Variants in APOB observed in about 807,000 individuals in gnomAD.
APOB encodes apolipoprotein B, also known as apolipoprotein B-100.
Under a neutral mutation model 314.1 loss-of-function variants are expected in APOB, and 153 were observed. The observed-to-expected ratio is 0.49, with a 90% CI of 0.43 to 0.56. APOB has a LOEUF of 0.56. Ranked by LOEUF, APOB falls within the 20% of genes least tolerant of loss-of-function variation. The pLI, the probability that APOB is intolerant of heterozygous loss-of-function variation, is 0.00. For synonymous variants in APOB, 2,087 were observed against 2,036.4 expected (o/e 1.02, Z -0.67); for missense variants, 5,430 against 5,350.7 (o/e 1.01, Z -0.46).
Position 21,005,932 on chromosome 2 carries a change from T to G in APOB, c.10936A>C (p.Ser3646Arg). The change falls in exon 26 of 29, where the codon AGC becomes CGC. Residue 3646 changes from serine (S) to arginine (R), a missense_variant. Ser to Arg is a moderately radical substitution (Grantham distance 110). Around this residue, in one of 3 missense-constraint regions of APOB, gnomAD observed 3,281 missense variants for 3,171.0 expected, o/e 1.03. Transcript: ENST00000233242. The part of the protein sequence containing the change: ...EVRIHSGSFQ[S>R]QVELSNDQEK... ...TGGTCATTGGAAAGCTCGACCTGGC[T>G]CTGGAAAGACCCAGAATGAATCCGG... is the stretch of plus-strand genomic sequence containing the variant. 6.2e-7 allele frequency: 1 copy of G among 1,613,938 alleles called. No homozygotes were observed. Among genetic ancestry groups the G allele is most frequent in the Non-Finnish European group, 8.5e-7 (1 of 1,179,944 alleles).
chr2:21,040,834 G>A (rs1010589206), intron 4 of APOB, 104 bp downstream of exon 4: 38 of 1,310,502 alleles, frequency 2.9e-5, no homozygotes, highest in African/African-American at 1.0e-4. Flanking sequence ...CGATGGATAC[G>A]GAATACAAAT....
intron 3 of APOB, 97 bp from the exon 4 acceptor site, chr2:21,041,180 G>A: frequency 3.8e-6 from 5 of 1,300,626 alleles, no homozygotes; most frequent in African/African-American, 1.4e-5. Context: ...AGCACCAAAG[G>A]GAATGGTGCT....
At chr2:21,024,318 A>G (rs1180484748) in intron 16 of APOB, 2 of 152,918 alleles carry the variant, frequency 1.3e-5, no homozygotes, top group Admixed American at 6.5e-5. Context: ...TATCATTTCA[A>G]TCTTAAAAGG....
At position 21,033,352 on chromosome 2, in the gene APOB, G is replaced by A. The variant is rs769527337; in HGVS notation, c.1071C>T (p.Gly357=). 2.2e-5 allele frequency: 35 copies of A among 1,614,132 alleles called. No homozygotes were observed. Among genetic ancestry groups the A allele is most frequent in the Non-Finnish European group, 2.9e-5 (34 of 1,180,002 alleles). The part of the protein sequence containing the change: ...LFNKLVTELR[G]LSDEAVTSLL... ...GAGATGTGACTGCTTCATCACTGAG[G>A]CCTCTCAGCTCAGTAACCAGCTTAT... Residue 357 remains glycine, a synonymous_variant, in exon 9 of 29, where the codon GGC becomes GGT. Coordinates refer to ENST00000233242, the MANE Select transcript of APOB (RefSeq NM_000384.3).
At chr2:21,038,234 TTTA>T (rs1664052722) in intron 4 of APOB, 123 bp from the exon 5 acceptor site, 1 of 1,049,266 alleles carries the variant, frequency 9.5e-7, no homozygotes, top group Non-Finnish European at 1.5e-6. Context: ...TCTGACATCA[TTTA>T]TTTGTAAATA....
At position 21,026,396 on chromosome 2, in the gene APOB, C is replaced by T. The variant is rs552569557; in HGVS notation, c.2244+392G>A. Among the ~76,000 whole-genome samples the T allele has an allele frequency of 3.9e-4, 60 of 152,188 alleles. 2 individuals carry two copies. In the South Asian group the frequency reaches 0.012, roughly 31 times the overall value. On this transcript the variant is annotated intron_variant, in intron 15 of 28. Transcript: ENST00000233242. ...CCGAGTAGCTAGGATTACAGGCACCCACTACCATGCCCAGCTAGTTTTTTT... is the reference window on the plus strand; with the variant it reads ...CCGAGTAGCTAGGATTACAGGCACCTACTACCATGCCCAGCTAGTTTTTTT...
rs1017801823 is a variant in APOB, at chr2:21,016,767, G to A, written c.3122-118C>T. 65 of 722,774 alleles carry A rather than the reference G, an allele frequency of 9.0e-5. No homozygotes were observed. In the African/African-American group the frequency reaches 9.7e-4, roughly 11 times the overall value. The allele number at this position is 722,774 out of a possible 1,614,324, so 44.8% of individuals were successfully genotyped here. A position where few individuals can be genotyped will look rare whatever the true frequency, so the allele number is the denominator to read the frequency against. ...TGGGAGGCCAAGGCGGGCAGATCAT[G>A]AGGTCAGGAGATCAAGACCATTCTG... On this transcript the variant is annotated intron_variant, in intron 20 of 28. Transcript: ENST00000233242.
rs753170598 is a variant in APOB at position 21,011,523 on chromosome 2, T to C, written c.5345A>G (p.Gln1782Arg). 6 of 1,614,158 alleles carry C rather than the reference T, an allele frequency of 3.7e-6. No individual in the cohort carries two copies. In the South Asian group the frequency reaches 6.6e-5, roughly 18 times the overall value. ...NIYSSDKFYK[Q>R]TVNLQLQPYS... Reference sequence around the variant, plus strand: ...GGGCTGTAGCTGTAAATTAACAGTTTGCTTATAAAACTTGTCAGAGCTGTA... The same window carrying C: ...GGGCTGTAGCTGTAAATTAACAGTTCGCTTATAAAACTTGTCAGAGCTGTA... The change falls in exon 26 of 29, where the codon CAA (glutamine) becomes CGA (arginine). Residue 1782 changes from glutamine to arginine, a missense_variant. Physicochemically the swap from Gln to Arg is conservative, Grantham distance 43. Coordinates refer to ENST00000233242, the MANE Select transcript of APOB (RefSeq NM_000384.3).
intron 13 of APOB, 36 bp downstream of exon 13, chr2:21,028,282 GCTCAGGGCC>G: frequency 6.5e-7 from 1 of 1,527,072 alleles, no homozygotes; most frequent in Non-Finnish European, 9.1e-7. Flanking sequence ...TGGAATTCCA[GCTCAGGGCC>G]CTCAGTGGTA....
intron 4 of APOB, 85 bp from the exon 5 acceptor site, chr2:21,038,196 T>C (rs1664051987): frequency 6.9e-7 from 1 of 1,455,012 alleles, no homozygotes; most frequent in African/African-American, 1.4e-5. Flanking sequence ...GAAGTTTCTT[T>C]TCTCATATTT....
chr2:21,008,539 T>G lies in APOB; in HGVS notation c.8329A>C (p.Ile2777Leu). ...PLFTLDANADIGNGTTSANEA... is the reference protein window; with the variant it reads ...PLFTLDANADLGNGTTSANEA... Reference sequence around the variant, plus strand: ...TTTGCTGAGGTGGTTCCATTCCCTATGTCAGCATTTGCATCTAATGTGAAA... The same window carrying G: ...TTTGCTGAGGTGGTTCCATTCCCTAGGTCAGCATTTGCATCTAATGTGAAA... The change falls in exon 26 of 29, where the codon ATA becomes CTA. Residue 2777 changes from isoleucine to leucine, a missense_variant. Ile to Leu is a conservative substitution (Grantham distance 5). This residue lies in a region of APOB where 3,281 missense variants were observed against 3,171.0 expected (regional missense o/e 1.03). Transcript: ENST00000233242. The G allele has an allele frequency of 1.2e-6, 2 of 1,614,160 alleles. No homozygotes were observed. Among genetic ancestry groups the G allele is most frequent in the Non-Finnish European group, 1.7e-6 (2 of 1,179,992 alleles).
Position 21,033,348 on chromosome 2 carries a change from T to C in APOB, c.1075A>G (p.Ser359Gly), listed in dbSNP as rs757383498. The C allele has an allele frequency of 2.2e-5, 35 of 1,614,232 alleles. No individual in the cohort carries two copies. The highest frequency in any genetic ancestry group is 2.9e-5 in the Non-Finnish European group (34 of 1,180,040). Residue 359 changes from serine (S) to glycine (G), a missense_variant, in exon 9 of 29, where the codon AGT (serine) becomes GGT (glycine). By Grantham distance (56) the Ser-to-Gly change is moderately conservative (BLOSUM62 0). Coordinates refer to ENST00000233242, the MANE Select transcript of APOB (RefSeq NM_000384.3). The part of the protein sequence containing the change: ...NKLVTELRGL[S>G]DEAVTSLLPQ... Reference sequence around the variant, plus strand: ...AAGAGAGATGTGACTGCTTCATCACTGAGGCCTCTCAGCTCAGTAACCAGC... The same window carrying C: ...AAGAGAGATGTGACTGCTTCATCACCGAGGCCTCTCAGCTCAGTAACCAGC...
In APOB at chr2:21,005,635, C is replaced by A. The variant is rs147564959; in HGVS notation, c.11233G>T (p.Val3745Phe). The change falls in exon 26 of 29, where the codon GTC becomes TTC. Residue 3745 changes from valine to phenylalanine, a missense_variant. Transcript: ENST00000233242. ...AATGGGACATGGAACGTAGGCATGACAAGAACTGAATTTAGATCATTTAGT... is the reference window on the plus strand; with the variant it reads ...AATGGGACATGGAACGTAGGCATGAAAAGAACTGAATTTAGATCATTTAGT... ...LKLNDLNSVL[V>F]MPTFHVPFTD... 1 of 1,614,006 alleles carries A rather than the reference C, an allele frequency of 6.2e-7. No homozygotes were observed. Among genetic ancestry groups the A allele is most frequent in the Non-Finnish European group, 8.5e-7 (1 of 1,179,976 alleles).
In APOB at chr2:21,042,469, C is replaced by T. The variant is rs12720850; in HGVS notation, c.129G>A (p.Ala43=). The change falls in exon 3 of 29, where the codon GCG becomes GCA. Residue 43 remains alanine, a synonymous_variant. Coordinates refer to ENST00000233242, the MANE Select transcript of APOB (RefSeq NM_000384.3). ...ACTTCCGGAGGTGCTTGAATCGGGT[C>T]GCATCTTCTAACGTGGGGAGAAATA... The part of the protein sequence containing the change: ...ENVSLVCPKD[A]TRFKHLRKYT... 4.2e-5 allele frequency: 68 copies of T among 1,613,890 alleles called. 1 individual carries two copies. The highest frequency in any genetic ancestry group is 5.8e-5 in the Non-Finnish European group (68 of 1,179,842).
rs200109262 is a variant in APOB at position 21,007,376 on chromosome 2, C to T, written c.9492G>A (p.Thr3164=). ...EKTGLKEFLK[T]TKQSFDLSVK... The stretch of plus-strand genomic sequence containing the variant: ...CACTTAAATCAAATGATTGCTTTGT[C>T]GTTTTCAAGAATTCCTTCAAGCCTG... The change falls in exon 26 of 29, where the codon ACG becomes ACA. Residue 3164 remains threonine, a synonymous_variant. Transcript: ENST00000233242. The T allele has an allele frequency of 1.1e-4, 184 of 1,613,904 alleles. No individual in the cohort carries two copies. The highest frequency in any genetic ancestry group is 8.2e-4 in the Middle Eastern group (5 of 6,062).
At chr2:21,019,695 G>T in intron 19 of APOB, 28 bp downstream of exon 19, 1 of 1,610,750 alleles carries the variant, frequency 6.2e-7, no homozygotes, top group Non-Finnish European at 8.5e-7. Context: ...GTGAGAAAAT[G>T]CTGGGTCAGG....
chr2:21,011,585 G>A lies in APOB; in HGVS notation c.5283C>T (p.Gly1761=), dbSNP rs1206881668. 1 of 1,614,172 alleles carries A rather than the reference G, an allele frequency of 6.2e-7. No homozygotes were observed. The highest frequency in any genetic ancestry group is 8.5e-7 in the Non-Finnish European group (1 of 1,180,010). The change falls in exon 26 of 29, where the codon GGC becomes GGT. Residue 1761 remains glycine (G), a synonymous_variant. Transcript: ENST00000233242. The part of the protein sequence containing the change: ...FDHTNSLNIA[G]LSLDFSSKLD... The stretch of plus-strand genomic sequence containing the variant: ...GTTTTGAAGAGAAGTCCAGTGATAA[G>A]CCTGCAATGTTCAGACTGTTTGTGT...
At chr2:21,039,893 G>C (rs896110386) in intron 4 of APOB, among the ~76,000 whole-genome samples, 1 of 152,220 alleles carries the variant, frequency 6.6e-6, no homozygotes, top group South Asian at 2.1e-4. Context: ...TGGCAAGAAA[G>C]GACTGGCATC....
At chr2:21,037,795 G>C (rs1381304753) in intron 5 of APOB, among the ~76,000 whole-genome samples, 163 bp downstream of exon 5, 2 of 152,162 alleles carry the variant, frequency 1.3e-5, no homozygotes, top group African/African-American at 4.8e-5. Context: ...AGCCTAAGGG[G>C]CAGGAGGAAC....
Sources: allele counts gnomAD v4.1 joint callset (sites outside exome capture counted in the v4.1 genomes callset), GRCh38; gene constraint gnomAD v4.1.1; regional missense constraint gnomAD v4.1.1; transcripts MANE v1.5; gene names NCBI Gene and HGNC (gene_info 2026-07-23, HGNC 2026-07-21).